GDF5: variants seen among roughly 807,000 people sequenced by gnomAD.
GDF5 encodes the protein growth differentiation factor 5, also known as growth/differentiation factor 5.
In GDF5, 17 loss-of-function variants were observed where a neutral mutation model predicts 34.6. The ratio of observed to expected loss-of-function variants is 0.49; its 90% CI spans 0.34 to 0.74. The LOEUF (loss-of-function observed/expected upper bound fraction) is 0.74. Ranked by LOEUF, GDF5 falls within the 30% of genes least tolerant of loss-of-function variation. GDF5 has a pLI of 0.01. For missense variants in GDF5, 616 were observed against 661.2 expected (o/e 0.93, Z 0.75); for synonymous variants, 332 against 290.7 (o/e 1.14, Z -1.44).
intron 1 of GDF5, among the ~76,000 whole-genome samples, chr20:35,454,476 C>T (rs1489039106): frequency 1.3e-5 from 2 of 151,718 alleles, no homozygotes; most frequent in Non-Finnish European, 2.9e-5. Flanking sequence ...AAAATTTATA[C>T]ACAAAATGCT....
chr20:35,453,621 C>T (rs1262502472), intron 1 of GDF5, among the ~76,000 whole-genome samples: 1 of 152,226 alleles, frequency 6.6e-6, no homozygotes, highest in African/African-American at 2.4e-5. Flanking sequence ...TTTCCCCTCT[C>T]TAGATAGTTT....
chr20:35,449,059 TC>T (rs1266936722), intron 1 of GDF5, among the ~76,000 whole-genome samples: 3 of 152,112 alleles, frequency 2.0e-5, no homozygotes, highest in African/African-American at 4.8e-5. Context: ...TCCTAACACA[TC>T]CCATGCTCTA....
chr20:35,435,168 T>C, intron 1 of GDF5: 1 of 509,418 alleles, frequency 2.0e-6, no homozygotes, highest in Non-Finnish European at 3.6e-6. Flanking sequence ...TTACTCCTGT[T>C]GACTGGGCAC....
intron 1 of GDF5, among the ~76,000 whole-genome samples, chr20:35,451,576 T>A (rs544564067): frequency 2.0e-5 from 3 of 146,572 alleles, no homozygotes; most frequent in East Asian, 3.9e-4. Context: ...TTTCTGTTTT[T>A]TTTTCCTTTT....
intron 1 of GDF5, among the ~76,000 whole-genome samples, chr20:35,454,370 C>A (rs994529064): frequency 2.6e-5 from 4 of 151,844 alleles, no homozygotes; most frequent in South Asian, 4.2e-4. Flanking sequence ...AGGAGAATTA[C>A]TTGAACCTGG....
chr20:35,438,824 C>CGTGTGCGTGTGT (rs2062486787), upstream of GDF5, among the ~76,000 whole-genome samples: 1 of 126,406 alleles, frequency 7.9e-6, no homozygotes, highest in Non-Finnish European at 1.7e-5. Context: ...ATTTGTTATG[C>CGTGTGCGTGTGT]GTGTGTGTGT....
chr20:35,447,999 A>T (rs2062519068), intron 1 of GDF5, among the ~76,000 whole-genome samples: 1 of 152,210 alleles, frequency 6.6e-6, no homozygotes, highest in African/African-American at 2.4e-5. Flanking sequence ...CATGATATTC[A>T]TACCAAATAT....
intron 1 of GDF5, among the ~76,000 whole-genome samples, chr20:35,447,055 TA>T (rs899082303): frequency 2.0e-5 from 3 of 152,124 alleles, no homozygotes; most frequent in South Asian, 2.1e-4. Context: ...TATGTTTTTT[TA>T]AAATTTTTTT....
rs2062483504 is a variant in GDF5, at chr20:35,438,184, T to C, written c.-256A>G. The C allele has an allele frequency of 1.8e-6, 1 of 553,784 alleles. No homozygotes were observed. Among genetic ancestry groups the C allele is most frequent in the Non-Finnish European group, 3.2e-6 (1 of 308,578 alleles). The allele number at this position is 553,784 out of a possible 1,614,324, so 34.3% of individuals were successfully genotyped here. On this transcript the variant is annotated 5_prime_UTR_variant, in exon 1 of 2. Coordinates refer to ENST00000374369, the MANE Select transcript of GDF5 (RefSeq NM_000557.5). ...CCAGTCAGCAGCTGAAAATAACTCGTTCTTGAAAGGAGAAAGCCGACCGCC... is the reference window on the plus strand; with the variant it reads ...CCAGTCAGCAGCTGAAAATAACTCGCTCTTGAAAGGAGAAAGCCGACCGCC...
intron 1 of GDF5, among the ~76,000 whole-genome samples, chr20:35,450,300 T>A (rs1479301692): frequency 6.8e-6 from 1 of 148,140 alleles, no homozygotes; most frequent in African/African-American, 2.5e-5. Context: ...AGTGAGACTC[T>A]GTAAAAAAAA....
At chr20:35,453,209 C>A (rs974493136) in intron 1 of GDF5, among the ~76,000 whole-genome samples, 4 of 152,104 alleles carry the variant, frequency 2.6e-5, no homozygotes, top group African/African-American at 9.7e-5. Flanking sequence ...GAGATTGCGC[C>A]GCTGCACTCC....
chr20:35,452,955 A>G (rs1018892415), intron 1 of GDF5, among the ~76,000 whole-genome samples: 1 of 152,180 alleles, frequency 6.6e-6, no homozygotes, highest in African/African-American at 2.4e-5. Flanking sequence ...GTGCTATGAA[A>G]GAAACAGAAG....
At position 35,446,692 on chromosome 20, in the gene GDF5, G is replaced by A. The variant is rs1381801768; in HGVS notation, c.-397-5305C>T. Among the ~76,000 whole-genome samples, 8 of 152,200 alleles carry A rather than the reference G, an allele frequency of 5.3e-5. No individual in the cohort carries two copies. In the East Asian group the frequency reaches 1.5e-3, roughly 29 times the overall value. On this transcript the variant is annotated intron_variant, in intron 1 of 3. Coordinates refer to the GDF5 transcript ENST00000374372. ...CTTGTTTCATAAATGAGGAAATTAA[G>A]CCTCTGAGTAGTTAAGTGATCGGCA...
chr20:35,451,726 G>A (rs2062534530), intron 1 of GDF5, among the ~76,000 whole-genome samples: 1 of 151,792 alleles, frequency 6.6e-6, no homozygotes, highest in African/African-American at 2.4e-5. Context: ...TAGAGACAAG[G>A]TCTAACTATG....
At chr20:35,443,425 G>GC (rs1401708586) in intron 1 of GDF5, among the ~76,000 whole-genome samples, 1 of 152,052 alleles carries the variant, frequency 6.6e-6, no homozygotes, top group East Asian at 1.9e-4. Context: ...GCCATGTAGA[G>GC]CCTTTTGCTT....
intron 1 of GDF5, among the ~76,000 whole-genome samples, chr20:35,443,347 A>C (rs1334633446): frequency 6.6e-6 from 1 of 152,100 alleles, no homozygotes; most frequent in East Asian, 1.9e-4. Context: ...TATTAATGTC[A>C]AACTTGAGGT....
Position 35,437,944 on chromosome 20 carries a change from T to A in GDF5, c.-16A>T. 1 of 1,613,838 alleles carries A rather than the reference T, an allele frequency of 6.2e-7. No individual in the cohort carries two copies. The highest frequency in any genetic ancestry group is 8.5e-7 in the Non-Finnish European group (1 of 1,179,906). ...GGAGTCTCATCCTCTGGCCAGCCGC[T>A]GAATGACACCAAAGAGAACAGCGGC... On this transcript the variant is annotated 5_prime_UTR_variant, in exon 1 of 2. Transcript: ENST00000374369.
At chr20:35,454,597 CAG>C (rs1294739632) in intron 1 of GDF5, 6 of 152,578 alleles carry the variant, frequency 3.9e-5, no homozygotes, top group African/African-American at 9.6e-5. Flanking sequence ...ACACTCTGTG[CAG>C]AGACATGCAG....
At chr20:35,454,282 T>C (rs890121735) in intron 1 of GDF5, among the ~76,000 whole-genome samples, 6 of 151,856 alleles carry the variant, frequency 4.0e-5, no homozygotes, top group African/African-American at 9.7e-5. Context: ...GGTGAAATCC[T>C]GTCTCTACTA....
Sources: gnomAD v4.1 joint callset for allele counts (sites outside exome capture counted in the v4.1 genomes callset) on GRCh38, gnomAD v4.1.1 for gene constraint, MANE v1.5 for transcripts, NCBI Gene and HGNC (gene_info 2026-07-23, HGNC 2026-07-21) for gene names.